The following DYRK1A variants were observed in gnomAD, a reference collection of about 807,000 sequenced individuals.
DYRK1A encodes the protein dual specificity tyrosine-phosphorylation-regulated kinase 1A.
DYRK1A carries 9 observed loss-of-function variants against 79.7 expected under a neutral mutation model. The ratio of observed to expected loss-of-function variants is 0.11; its 90% CI spans 0.07 to 0.20. DYRK1A has a LOEUF of 0.20. Among genes scored for constraint, DYRK1A ranks in the 10% least tolerant of loss-of-function variants. The pLI is 1.00. For synonymous variants in DYRK1A, 349 were observed against 329.7 expected (o/e 1.06, Z -0.63); for missense variants, 622 against 956.0 (o/e 0.65, Z 4.61).
chr21:37,429,164 C>A (rs1336496993), intron 2 of DYRK1A, among the ~76,000 whole-genome samples: 1 of 152,078 alleles, frequency 6.6e-6, no homozygotes, highest in Non-Finnish European at 1.5e-5. Context: ...AAAAAGATAC[C>A]GAGATGTAAA....
At chr21:37,415,063 T>C (rs2050311548) in intron 1 of DYRK1A, among the ~76,000 whole-genome samples, 1 of 152,204 alleles carries the variant, frequency 6.6e-6, no homozygotes, top group South Asian at 2.1e-4. Flanking sequence ...GCAGGTAATG[T>C]GCATATGAGG....
chr21:37,429,908 A>G (rs1158454801), intron 2 of DYRK1A, among the ~76,000 whole-genome samples: 1 of 152,202 alleles, frequency 6.6e-6, no homozygotes, highest in Non-Finnish European at 1.5e-5. Context: ...GGTTGCCTCC[A>G]TGATTTTTAA....
intron 11 of DYRK1A, among the ~76,000 whole-genome samples, chr21:37,506,908 G>A (rs763632043): frequency 7.2e-5 from 11 of 152,008 alleles, no homozygotes; most frequent in African/African-American, 2.4e-4. Context: ...TGTGACTAGG[G>A]CAGCTGAATG....
intron 1 of DYRK1A, among the ~76,000 whole-genome samples, chr21:37,408,586 A>G (rs1041299588): frequency 1.3e-5 from 2 of 152,200 alleles, no homozygotes; most frequent in African/African-American, 4.8e-5. Flanking sequence ...TTTAGCACAT[A>G]GAACAGTCAT....
At chr21:37,407,480 A>G (rs1428844516) in intron 1 of DYRK1A, among the ~76,000 whole-genome samples, 1 of 152,210 alleles carries the variant, frequency 6.6e-6, no homozygotes, top group Non-Finnish European at 1.5e-5. Context: ...ATGCTTAATT[A>G]AAATGGCAGT....
intron 2 of DYRK1A, among the ~76,000 whole-genome samples, chr21:37,442,972 G>C (rs1249964552): frequency 6.6e-6 from 1 of 151,986 alleles, no homozygotes; most frequent in African/African-American, 2.4e-5. Context: ...GAGTAGCTGG[G>C]ACCTACAGGC....
intron 2 of DYRK1A, among the ~76,000 whole-genome samples, chr21:37,457,123 G>A (rs1024887287): frequency 6.6e-6 from 1 of 152,088 alleles, no homozygotes; most frequent in South Asian, 2.1e-4. Context: ...AGGCTGGAGT[G>A]CAGTAGCACG....
intron 2 of DYRK1A, among the ~76,000 whole-genome samples, chr21:37,434,221 C>T (rs563964053): frequency 2.2e-4 from 34 of 152,220 alleles, no homozygotes; most frequent in Admixed American, 6.5e-4. Context: ...AAATGCTAGA[C>T]GTCTTTCTGG....
intron 7 of DYRK1A, 29 bp from the exon 8 acceptor site, chr21:37,492,988 A>T: frequency 6.4e-7 from 1 of 1,552,800 alleles, no homozygotes; most frequent in Non-Finnish European, 8.8e-7. Context: ...TAAGCAATTG[A>T]AGTAATACTA....
At chr21:37,429,509 C>T (rs1193664593) in intron 2 of DYRK1A, among the ~76,000 whole-genome samples, 4 of 152,138 alleles carry the variant, frequency 2.6e-5, no homozygotes, top group African/African-American at 7.2e-5. Context: ...ATAGCCCCAG[C>T]AGGAGGAAAA....
chr21:37,506,010 C>G lies in DYRK1A; in HGVS notation c.1520-89C>G, dbSNP rs925107171. 5 of 1,437,090 alleles carry G rather than the reference C, an allele frequency of 3.5e-6. No homozygotes were observed. In the South Asian group the frequency reaches 4.1e-5, roughly 12 times the overall value. 89.0% of individuals were successfully genotyped at this position (1,437,090 alleles called of 1,614,324 possible). A position where few individuals can be genotyped will look rare whatever the true frequency, so the allele number is the denominator to read the frequency against. On this transcript the variant is annotated intron_variant, in intron 10 of 11. Transcript: ENST00000647188. ...TTGTATGTGTGTGTGTGAGTACTTT[C>G]AGTTTTAATGGTATAGCTTCAGAGT... is the stretch of plus-strand genomic sequence containing the variant.
chr21:37,477,568 G>A (rs2052445888), intron 3 of DYRK1A, among the ~76,000 whole-genome samples: 1 of 152,196 alleles, frequency 6.6e-6, no homozygotes, highest in African/African-American at 2.4e-5. Context: ...CTGTCAGATG[G>A]TGTCGAGAGC....
At chr21:37,405,715 T>C (rs2050134535) in intron 1 of DYRK1A, among the ~76,000 whole-genome samples, 1 of 152,154 alleles carries the variant, frequency 6.6e-6, no homozygotes, top group African/African-American at 2.4e-5. Context: ...TAGCAATCTT[T>C]CCCTCCCTCA....
At position 37,512,021 on chromosome 21, in the gene DYRK1A, A is replaced by G. The variant is rs757398092; in HGVS notation, c.1755A>G (p.Gln585=). The change falls in exon 12 of 12, where the codon CAA becomes CAG. Residue 585 remains glutamine, a synonymous_variant. Transcript: ENST00000647188. ...VQETTFHVAP[Q]QNALHHHHGN... is the part of the protein sequence containing the mutation. ...AAACAACCTTTCATGTAGCCCCTCA[A>G]CAGAATGCATTGCATCATCACCATG... 42 of 1,614,018 alleles carry G rather than the reference A, an allele frequency of 2.6e-5. 1 individual carries two copies. In the South Asian group the frequency reaches 4.5e-4, roughly 17 times the overall value.
intron 2 of DYRK1A, among the ~76,000 whole-genome samples, chr21:37,424,328 T>A (rs1402013886): frequency 6.6e-6 from 1 of 152,208 alleles, no homozygotes; most frequent in Non-Finnish European, 1.5e-5. Flanking sequence ...TGTTTTTACT[T>A]TTTGTTTATT....
upstream of DYRK1A, chr21:37,365,742 A>AGCTGGTGTCG (rs2049289954): frequency 6.6e-6 from 1 of 152,334 alleles, no homozygotes; most frequent in Non-Finnish European, 1.5e-5. Context: ...TAGAAAAGAA[A>AGCTGGTGTCG]ACCAGAGAGC....
At chr21:37,384,408 A>G (rs1166668999) in intron 1 of DYRK1A, among the ~76,000 whole-genome samples, 1 of 152,184 alleles carries the variant, frequency 6.6e-6, no homozygotes, top group Admixed American at 6.5e-5. Context: ...GAAATGCAGG[A>G]TTCATTGAGA....
intron 6 of DYRK1A, among the ~76,000 whole-genome samples, chr21:37,489,961 C>T (rs899187046): frequency 2.0e-5 from 3 of 152,022 alleles, no homozygotes; most frequent in Non-Finnish European, 4.4e-5. Context: ...TATCACTTAC[C>T]GACATATGCT....
chr21:37,426,653 G>A (rs1031640181), intron 2 of DYRK1A, among the ~76,000 whole-genome samples: 2 of 151,780 alleles, frequency 1.3e-5, no homozygotes, highest in Non-Finnish European at 2.9e-5. Context: ...GCTCACGCCT[G>A]TAATCTCAGC....
Sources: gnomAD v4.1 joint callset for allele counts (sites outside exome capture counted in the v4.1 genomes callset) on GRCh38, gnomAD v4.1.1 for gene constraint, MANE v1.5 for transcripts, NCBI Gene and HGNC (gene_info 2026-07-23, HGNC 2026-07-21) for gene names.